Variants in GALNT13 observed in about 807,000 individuals in gnomAD.
GALNT13 encodes UDP-GalNAc:polypeptide N-acetylgalactosaminyltransferase 13.
A neutral mutation model predicts 64.2 loss-of-function variants in GALNT13; 28 were observed. The ratio of observed to expected loss-of-function variants is 0.44; its 90% CI spans 0.32 to 0.60. The LOEUF is 0.60. Among genes scored for constraint, GALNT13 ranks in the 20% least tolerant of loss-of-function variants. The pLI is 0.05. For synonymous variants in GALNT13, 214 were observed against 224.6 expected (o/e 0.95, Z 0.42); for missense variants, 577 against 669.8 (o/e 0.86, Z 1.53).
chr2:154,402,805 C>T (rs933529502), intron 10 of GALNT13, among the ~76,000 whole-genome samples: 1 of 152,226 alleles, frequency 6.6e-6, no homozygotes, highest in Middle Eastern at 3.4e-3. Flanking sequence ...TTTACTTCTT[C>T]CCTTGAACAA....
chr2:154,229,780 A>G (rs536322447), intron 4 of GALNT13, among the ~76,000 whole-genome samples: 1 of 152,210 alleles, frequency 6.6e-6, no homozygotes, highest in South Asian at 2.1e-4. Flanking sequence ...AGAAACATTG[A>G]TATGTTCAAC....
At chr2:154,409,146 G>A (rs1699682321) in intron 11 of GALNT13, 64 bp downstream of exon 11, 1 of 973,804 alleles carries the variant, frequency 1.0e-6, no homozygotes, top group Middle Eastern at 2.1e-4. Flanking sequence ...ACTATCAGTG[G>A]AGACCATGGC....
intron 2 of GALNT13, among the ~76,000 whole-genome samples, chr2:153,921,788 A>G (rs1689774892): frequency 6.6e-6 from 1 of 152,164 alleles, no homozygotes; most frequent in Non-Finnish European, 1.5e-5. Flanking sequence ...GAAACAATTG[A>G]CACATGGACA....
the GALNT13 span, among the ~76,000 whole-genome samples, chr2:153,821,419 T>C: frequency 2.6e-5 from 4 of 152,112 alleles, no homozygotes; most frequent in African/African-American, 9.7e-5. Context: ...ATAAATAATA[T>C]AAATCAATAC....
chr2:153,993,087 C>A (rs761127154), intron 3 of GALNT13, among the ~76,000 whole-genome samples: 15 of 152,006 alleles, frequency 9.9e-5, no homozygotes, highest in Non-Finnish European at 1.5e-4. Flanking sequence ...TTAATAAATT[C>A]AGAAGATGAT....
At chr2:153,114,393 C>T in the GALNT13 span, among the ~76,000 whole-genome samples, 3 of 152,176 alleles carry the variant, frequency 2.0e-5, no homozygotes, top group East Asian at 1.9e-4. Flanking sequence ...CTAGAGAAGA[C>T]GTCAGTCAAT....
At chr2:153,971,602 C>T (rs1296374650) in intron 3 of GALNT13, among the ~76,000 whole-genome samples, 1 of 152,098 alleles carries the variant, frequency 6.6e-6, no homozygotes, top group African/African-American at 2.4e-5. Flanking sequence ...CTATATACAA[C>T]ATAAACAGAA....
the GALNT13 span, among the ~76,000 whole-genome samples, chr2:153,194,623 A>G: frequency 1.3e-5 from 2 of 152,132 alleles, no homozygotes; most frequent in African/African-American, 4.8e-5. Context: ...TATTGTGTTC[A>G]TTTGAAGGTG....
chr2:153,447,603 A>G, the GALNT13 span, among the ~76,000 whole-genome samples: 1 of 152,176 alleles, frequency 6.6e-6, no homozygotes, highest in Non-Finnish European at 1.5e-5. Context: ...ATGCCTTACC[A>G]TATAATAAAT....
the GALNT13 span, among the ~76,000 whole-genome samples, chr2:153,861,559 C>CTTTTTT: frequency 8.9e-4 from 105 of 118,166 alleles, no homozygotes; most frequent in East Asian, 3.3e-3. Flanking sequence ...TTCTTTCTTT[C>CTTTTTT]TTTTTTTTTT....
chr2:153,385,174 C>T, the GALNT13 span, among the ~76,000 whole-genome samples: 6 of 152,028 alleles, frequency 3.9e-5, no homozygotes, highest in African/African-American at 1.4e-4. Context: ...TCCAGCAATC[C>T]CATTGCTGGG....
chr2:153,217,623 G>T, the GALNT13 span, among the ~76,000 whole-genome samples: 1 of 151,694 alleles, frequency 6.6e-6, no homozygotes, highest in Non-Finnish European at 1.5e-5. Flanking sequence ...CTCATCATAG[G>T]CATTCTTCAT....
At chr2:154,152,206 A>C (rs1188536290) in intron 4 of GALNT13, among the ~76,000 whole-genome samples, 1 of 152,134 alleles carries the variant, frequency 6.6e-6, no homozygotes, top group Non-Finnish European at 1.5e-5. Context: ...GTTTGGCTGG[A>C]TATGAAATTC....
chr2:154,013,066 C>G (rs1294439823), intron 3 of GALNT13, among the ~76,000 whole-genome samples: 1 of 148,676 alleles, frequency 6.7e-6, no homozygotes, highest in Admixed American at 6.8e-5. Context: ...TCATTTCAGC[C>G]TGGTGCAGAA....
At chr2:153,196,166 G>A in the GALNT13 span, among the ~76,000 whole-genome samples, 27 of 152,058 alleles carry the variant, frequency 1.8e-4, no homozygotes, top group South Asian at 2.7e-3. Context: ...GACTAGCAGC[G>A]CAAACCTGAA....
intron 3 of GALNT13, among the ~76,000 whole-genome samples, chr2:153,972,575 T>A (rs193050642): frequency 7.2e-4 from 110 of 152,218 alleles, no homozygotes; most frequent in African/African-American, 2.5e-3. Flanking sequence ...TAATTTGCAG[T>A]CATTACTTCT....
chr2:153,906,089 C>A (rs58301681), intron 2 of GALNT13, among the ~76,000 whole-genome samples: 1 of 151,586 alleles, frequency 6.6e-6, no homozygotes, highest in African/African-American at 2.4e-5. Flanking sequence ...TATTTTTGGA[C>A]CACAGTTGAC....
intron 3 of GALNT13, among the ~76,000 whole-genome samples, chr2:154,090,596 G>C (rs1277850101): frequency 6.6e-6 from 1 of 151,938 alleles, no homozygotes; most frequent in Non-Finnish European, 1.5e-5. Context: ...CTGTGACTGA[G>C]CTTCTACCAC....
At chr2:153,083,642 T>C in the GALNT13 span, among the ~76,000 whole-genome samples, 2 of 152,236 alleles carry the variant, frequency 1.3e-5, no homozygotes, top group Non-Finnish European at 2.9e-5. Context: ...ATATTAGTCC[T>C]TTGTCAGATG....
Sources: allele counts gnomAD v4.1 joint callset (sites outside exome capture counted in the v4.1 genomes callset), GRCh38; gene constraint gnomAD v4.1.1; transcripts MANE v1.5; gene names NCBI Gene and HGNC (gene_info 2026-07-23, HGNC 2026-07-21).